The following MAGEA11 variants were observed in gnomAD, a reference collection of about 807,000 sequenced individuals.
The protein encoded by MAGEA11 is melanoma-associated antigen 11.
MAGEA11 carries 1 observed loss-of-function variant against 8.4 expected under a neutral mutation model. That is an observed-to-expected ratio of 0.12 (90% CI 0.04 to 0.57). MAGEA11 has a LOEUF of 0.57. Ranked by LOEUF, MAGEA11 falls within the 20% of genes least tolerant of loss-of-function variation. The probability of loss-of-function intolerance (pLI) is 0.91; values close to 1 mark genes in which losing one functional copy is unlikely to be tolerated. For missense variants in MAGEA11, 209 were observed against 317.3 expected, an observed-to-expected ratio of 0.66 and a Z score of 2.59; for synonymous variants, 127 against 119.3, an observed-to-expected ratio of 1.06 and a Z score of -0.42.
chrX:149,711,026 C>T (rs1428762709), upstream of MAGEA11, among the ~76,000 whole-genome samples: 1 of 111,060 alleles, frequency 9.0e-6, no homozygotes, highest in African/African-American at 3.3e-5. Context: ...GTGGAAAACT[C>T]GGGTAGGGTC....
chrX:149,706,307 T>G (rs187036832), intron 1 of MAGEA11, among the ~76,000 whole-genome samples: 1 of 112,152 alleles, frequency 8.9e-6, no homozygotes, highest in Admixed American at 9.4e-5. Flanking sequence ...TTTCACCCAT[T>G]AGTCTTCTTA....
At chrX:149,688,657 CATACATATACATATACATATACAT>C (rs58756024), upstream of MAGEA11, among the ~76,000 whole-genome samples, 233 of 98,823 alleles carry the variant, frequency 2.4e-3, 6 homozygotes, top group Admixed American at 0.02. Context: ...TACATATACA[CATACATATACATATACATATACAT>C]ATACATATAC....
upstream of MAGEA11, chrX:149,711,929 C>A (rs1405806293): frequency 8.3e-5 from 30 of 362,827 alleles, no homozygotes; most frequent in Non-Finnish European, 1.0e-4. Context: ...CCCCCTGCCC[C>A]ACCCCGCCCC....
At chrX:149,708,990 TAA>T (rs11422584), upstream of MAGEA11, among the ~76,000 whole-genome samples, 46 of 101,397 alleles carry the variant, frequency 4.5e-4, no homozygotes, top group South Asian at 1.8e-3. Flanking sequence ...CTATATTTTA[TAA>T]AAAAAAAAAA....
upstream of MAGEA11, among the ~76,000 whole-genome samples, chrX:149,709,760 G>T (rs139668401): frequency 8.9e-4 from 100 of 111,893 alleles, no homozygotes; most frequent in East Asian, 0.017. Flanking sequence ...AATGGATACA[G>T]AAAAATATTT....
At chrX:149,703,288 A>C (rs1301933249) in intron 1 of MAGEA11, among the ~76,000 whole-genome samples, 6 of 112,575 alleles carry the variant, frequency 5.3e-5, no homozygotes, top group African/African-American at 1.9e-4. Context: ...GCTTTTTCAA[A>C]ATACAAAAAC....
In MAGEA11 at chrX:149,715,848, A is replaced by G. The variant is rs1557362413; in HGVS notation, c.362A>G (p.Lys121Arg). ...CTTGAGCAAAGAAGTCAGCACTGCAAGCCTGAGGAAGGCCTTCAGGCCCAA... is the reference window on the plus strand; with the variant it reads ...CTTGAGCAAAGAAGTCAGCACTGCAGGCCTGAGGAAGGCCTTCAGGCCCAA... ...MPLEQRSQHC[K>R]PEEGLQAQEE... The change falls in exon 5 of 5, where the codon AAG becomes AGG. Residue 121 changes from lysine to arginine, a missense_variant. Lys to Arg is a conservative substitution (Grantham distance 26, BLOSUM62 2). Coordinates refer to ENST00000355220, the MANE Select transcript of MAGEA11 (RefSeq NM_005366.5). 1.7e-6 allele frequency: 2 copies of G among 1,210,999 alleles called. No homozygotes were observed. Among genetic ancestry groups the G allele is most frequent in the Non-Finnish European group, 2.2e-6 (2 of 895,060 alleles).
intron 1 of MAGEA11, among the ~76,000 whole-genome samples, chrX:149,694,291 G>C (rs782070456): frequency 8.9e-6 from 1 of 112,225 alleles, no homozygotes; most frequent in African/African-American, 3.2e-5. Flanking sequence ...TTGTGATTTT[G>C]ATTTGTGTTT....
rs782352895 is a variant in MAGEA11 at position 149,701,592 on chromosome X, C to T, written c.9+12608C>T. 4.2e-3 allele frequency among the ~76,000 whole-genome samples: 462 copies of T among 109,802 alleles called. 1 individual carries two copies. Among genetic ancestry groups the T allele is most frequent in the African/African-American group, 0.015 (440 of 30,002 alleles). ...TTAATTAGATCCCATTTGTCAATTT[C>T]GTCTTTTGTTGCCATTGCTTTTGGT... is the stretch of plus-strand genomic sequence containing the variant. On this transcript the variant is annotated intron_variant, in intron 1 of 3. Coordinates refer to the MAGEA11 transcript ENST00000333104.
At position 149,716,257 on chromosome X, in the gene MAGEA11, G is replaced by T. The variant is rs1557362504; in HGVS notation, c.771G>T (p.Glu257Asp). 3.3e-6 allele frequency: 4 copies of T among 1,211,833 alleles called. No homozygotes were observed. The highest frequency in any genetic ancestry group is 4.5e-6 in the Non-Finnish European group (4 of 895,468). Residue 257 changes from glutamate to aspartate, a missense_variant, in exon 5 of 5, where the codon GAG (glutamate) becomes GAT (aspartate). Glu to Asp is a conservative substitution (Grantham distance 45). Coordinates refer to ENST00000355220, the MANE Select transcript of MAGEA11 (RefSeq NM_005366.5). Reference sequence around the variant, plus strand: ...TGGGGAGTGTCATCAAAAATTATGAGGACTACTTTCCTGAGATATTTAGGG... The same window carrying T: ...TGGGGAGTGTCATCAAAAATTATGATGACTACTTTCCTGAGATATTTAGGG... ...EMLGSVIKNY[E>D]DYFPEIFREA...
intron 1 of MAGEA11, among the ~76,000 whole-genome samples, chrX:149,694,102 G>A (rs1557360362): frequency 8.9e-6 from 1 of 112,086 alleles, no homozygotes. Flanking sequence ...TGGGTCATAA[G>A]GTAACACTCC....
intron 1 of MAGEA11, among the ~76,000 whole-genome samples, chrX:149,694,010 A>T (rs782813079): frequency 8.9e-6 from 1 of 112,136 alleles, no homozygotes; most frequent in African/African-American, 3.2e-5. Flanking sequence ...TATTATGAAT[A>T]ATGCGTCTAT....
chrX:149,688,568 C>T (rs782187132), upstream of MAGEA11, among the ~76,000 whole-genome samples: 1 of 110,865 alleles, frequency 9.0e-6, no homozygotes, highest in African/African-American at 3.3e-5. Context: ...GAAAGATATT[C>T]GTATTGTTTT....
intron 1 of MAGEA11, among the ~76,000 whole-genome samples, chrX:149,694,976 T>G (rs2090325125): frequency 8.9e-6 from 1 of 111,775 alleles, no homozygotes; most frequent in Non-Finnish European, 1.9e-5. Context: ...CCACCTTGGA[T>G]TTCCAAATGT....
In MAGEA11 at chrX:149,715,924, G is replaced by C. The variant is rs782160369; in HGVS notation, c.438G>C (p.Gln146His). ...VGAQALQAEE[Q>H]EAAFFSSTLN... ...CACAGGCTCTCCAAGCTGAGGAGCAGGAGGCTGCCTTCTTCTCCTCTACTC... is the reference window on the plus strand; with the variant it reads ...CACAGGCTCTCCAAGCTGAGGAGCACGAGGCTGCCTTCTTCTCCTCTACTC... Residue 146 changes from glutamine to histidine, a missense_variant, in exon 5 of 5, where the codon CAG becomes CAC. Gln to His is a conservative substitution (Grantham distance 24, BLOSUM62 0). Transcript: ENST00000355220. The C allele has an allele frequency of 5.8e-6, 7 of 1,211,764 alleles. No individual in the cohort carries two copies. The Admixed American group carries it at 1.1e-4, about 19-fold the overall frequency.
chrX:149,713,719 T>G, intron 2 of MAGEA11: 1 of 118,129 alleles, frequency 8.5e-6, no homozygotes, highest in Non-Finnish European at 1.8e-5. Context: ...CTGCCTCCCA[T>G]ATCTCAGAGA....
chrX:149,700,227 C>T (rs1476224323), intron 1 of MAGEA11, among the ~76,000 whole-genome samples: 1 of 112,141 alleles, frequency 8.9e-6, no homozygotes, highest in Non-Finnish European at 1.9e-5. Context: ...TATTTTCGTG[C>T]TTTATAAATC....
chrX:149,704,848 C>A (rs191693920), intron 1 of MAGEA11, among the ~76,000 whole-genome samples: 8 of 112,765 alleles, frequency 7.1e-5, no homozygotes, highest in African/African-American at 2.6e-4. Flanking sequence ...CTCCACTGAG[C>A]AGGCTGGCAA....
rs181190613 is a variant in MAGEA11, at chrX:149,705,870, G to A, written c.10-8611G>A. ...GAAATGCCTCCAGAAGAGGCTGTTG[G>A]TGGGGTGCTGTGAGACCCCCTAGCT... On this transcript the variant is annotated intron_variant, in intron 1 of 3. Transcript: ENST00000333104. 7.5e-3 allele frequency among the ~76,000 whole-genome samples: 837 copies of A among 111,179 alleles called. 8 individuals carry two copies. The highest frequency in any genetic ancestry group is 0.026 in the African/African-American group (792 of 30,615).
Sources: gnomAD v4.1 joint callset for allele counts (sites outside exome capture counted in the v4.1 genomes callset) on GRCh38, gnomAD v4.1.1 for gene constraint, MANE v1.5 for transcripts, NCBI Gene and HGNC (gene_info 2026-07-23, HGNC 2026-07-21) for gene names.